The following CLCN6 variants were observed in gnomAD, a reference collection of about 807,000 sequenced individuals.
CLCN6 encodes Cl-/H+ antiporter 6.
In CLCN6, 70 loss-of-function variants were observed where a neutral mutation model predicts 109.8. The ratio of observed to expected loss-of-function variants is 0.64; its 90% CI spans 0.53 to 0.78. The LOEUF (loss-of-function observed/expected upper bound fraction) is 0.78, where lower values mean the gene tolerates loss of function less well. Ranked by LOEUF, CLCN6 falls within the 30% of genes least tolerant of loss-of-function variation. The probability of loss-of-function intolerance (pLI) is 0.00; values close to 1 mark genes in which losing one functional copy is unlikely to be tolerated. For synonymous variants in CLCN6, 444 were observed against 447.8 expected (o/e 0.99, Z 0.11); for missense variants, 984 against 1,142.3 (o/e 0.86, Z 2.00).
chr1:11,829,425 C>G, intron 13 of CLCN6, 103 bp downstream of exon 13: 1 of 1,344,524 alleles, frequency 7.4e-7, no homozygotes, highest in African/African-American at 1.4e-5. Context: ...TGGGTTCATC[C>G]TTCCACACCC....
At chr1:11,819,112 G>T (rs1343965562) in intron 4 of CLCN6, among the ~76,000 whole-genome samples, 1 of 152,208 alleles carries the variant, frequency 6.6e-6, no homozygotes, top group Non-Finnish European at 1.5e-5. Context: ...GCTGTCATTA[G>T]TGTATTTTAT....
chr1:11,828,431 C>G, intron 11 of CLCN6, 27 bp from the exon 12 acceptor site: 1 of 1,613,316 alleles, frequency 6.2e-7, no homozygotes, highest in Non-Finnish European at 8.5e-7. Flanking sequence ...TGGTTTTTCT[C>G]TCCCTCTCCC....
chr1:11,838,893 C>T (rs1337142441), intron 22 of CLCN6: 5 of 724,706 alleles, frequency 6.9e-6, no homozygotes, highest in African/African-American at 1.7e-5. Flanking sequence ...CAGAGCCGCG[C>T]CTCTACCAGG....
chr1:11,826,689 T>G (rs1291835201), intron 9 of CLCN6, among the ~76,000 whole-genome samples: 1 of 152,228 alleles, frequency 6.6e-6, no homozygotes, highest in Non-Finnish European at 1.5e-5. Flanking sequence ...TTCCTGCAAG[T>G]TCGGCACATA....
At chr1:11,831,171 G>GCTTTT (rs1327223816) in intron 13 of CLCN6, among the ~76,000 whole-genome samples, 1 of 51,628 alleles carries the variant, frequency 1.9e-5, no homozygotes, top group African/African-American at 9.9e-5. Flanking sequence ...TTTTGTTTTT[G>GCTTTT]TTTTTGGCAA....
rs1311167123 is a variant in CLCN6, at chr1:11,816,699, G to A, written c.279+19G>A. 1 of 1,606,870 alleles carries A rather than the reference G, an allele frequency of 6.2e-7. No homozygotes were observed. The highest frequency in any genetic ancestry group is 8.5e-7 in the Non-Finnish European group (1 of 1,175,568). ...TGGCCTGGTGAGGAGGCAGGGCCTG[G>A]AGGGATGGTGGGCCATAGGGCTGGA... On this transcript the variant is annotated intron_variant, in intron 4 of 22. Coordinates refer to ENST00000346436, the MANE Select transcript of CLCN6 (RefSeq NM_001286.5).
chr1:11,826,323 C>T, intron 9 of CLCN6, 109 bp downstream of exon 9: 3 of 882,842 alleles, frequency 3.4e-6, no homozygotes, highest in Non-Finnish European at 5.5e-6. Flanking sequence ...CGGGGAAACC[C>T]GACTGGGAGA....
chr1:11,811,445 T>C (rs1644598455), intron 2 of CLCN6, among the ~76,000 whole-genome samples: 1 of 151,936 alleles, frequency 6.6e-6, no homozygotes, highest in African/African-American at 2.4e-5. Flanking sequence ...TGCAATGTTG[T>C]GATCTCAGCT....
At position 11,835,853 on chromosome 1, in the gene CLCN6, G is replaced by A. The variant is rs566283091; in HGVS notation, c.1794-114G>A. Reference sequence around the variant, plus strand: ...TTTGAGGGAGAGCTGGGGCAGTTCAGAAGAGCCCCCCACCCCGCCCGTGGT... The same window carrying A: ...TTTGAGGGAGAGCTGGGGCAGTTCAAAAGAGCCCCCCACCCCGCCCGTGGT... On this transcript the variant is annotated intron_variant, in intron 17 of 22. Coordinates refer to ENST00000346436, the MANE Select transcript of CLCN6 (RefSeq NM_001286.5). 4.8e-5 allele frequency: 38 copies of A among 785,064 alleles called. 1 individual carries two copies. In the East Asian group the frequency reaches 1.0e-3, roughly 21 times the overall value. The allele number at this position is 785,064 out of a possible 1,614,324, so 48.6% of individuals were successfully genotyped here.
In CLCN6 at chr1:11,828,161, A is replaced by G. The variant is rs1397665748; in HGVS notation, c.896A>G (p.Gln299Arg). ...CTCAACTTCTTCCGTTCTGGGATTC[A>G]GTTTGGAAGCTGGGGTTCCTTCCAG... The part of the protein sequence containing the change: ...FTLNFFRSGI[Q>R]FGSWGSFQLP... Residue 299 changes from glutamine to arginine, a missense_variant, in exon 11 of 23, where the codon CAG (glutamine) becomes CGG (arginine). Transcript: ENST00000346436. The G allele has an allele frequency of 6.2e-7, 1 of 1,614,160 alleles. No homozygotes were observed. Among genetic ancestry groups the G allele is most frequent in the East Asian group, 2.2e-5 (1 of 44,884 alleles).
chr1:11,809,964 A>C (rs1644577324), intron 2 of CLCN6, among the ~76,000 whole-genome samples: 1 of 152,236 alleles, frequency 6.6e-6, no homozygotes, highest in Admixed American at 6.5e-5. Flanking sequence ...TGAGTGGGAC[A>C]GGTTAAAATA....
intron 2 of CLCN6, among the ~76,000 whole-genome samples, chr1:11,812,725 A>G (rs1466668146): frequency 2.0e-5 from 3 of 147,002 alleles, no homozygotes; most frequent in Non-Finnish European, 4.5e-5. Context: ...GTTGGGGCTC[A>G]GAAAATGATA....
chr1:11,829,087 G>C (rs1304244842), intron 12 of CLCN6, 109 bp from the exon 13 acceptor site: 1 of 1,293,196 alleles, frequency 7.7e-7, no homozygotes, highest in Admixed American at 2.0e-5. Flanking sequence ...GGGCTGCTGT[G>C]AATGCTGTTT....
rs1337194076 is a variant in CLCN6 at position 11,840,525 on chromosome 1, G to A, written c.*302G>A. The A allele has an allele frequency of 4.1e-5, 20 of 490,948 alleles. No homozygotes were observed. Among genetic ancestry groups the A allele is most frequent in the Non-Finnish European group, 7.1e-5 (19 of 267,396 alleles). The allele number at this position is 490,948 out of a possible 1,614,324, so 30.4% of individuals were successfully genotyped here. A position where few individuals can be genotyped will look rare whatever the true frequency, so the allele number is the denominator to read the frequency against. On this transcript the variant is annotated 3_prime_UTR_variant, in exon 23 of 23. Coordinates refer to ENST00000346436, the MANE Select transcript of CLCN6 (RefSeq NM_001286.5). Reference sequence around the variant, plus strand: ...TCCACCAGAGCCAGAAGCAGAGGTAGAATCAGGCGGGCCCCGGGCTGCACT... The same window carrying A: ...TCCACCAGAGCCAGAAGCAGAGGTAAAATCAGGCGGGCCCCGGGCTGCACT...
In CLCN6 at chr1:11,806,359, C is replaced by G; in HGVS notation, c.87+10C>G. The stretch of plus-strand genomic sequence containing the variant: ...CACCCCCGAGGAGCTGGTAAGAAGC[C>G]GGCGGAGTCGGCCTGGGGAGGGGGC... On this transcript the variant is annotated intron_variant, in intron 1 of 22. Transcript: ENST00000346436. 6.6e-7 allele frequency: 1 copy of G among 1,505,608 alleles called. No homozygotes were observed. Among genetic ancestry groups the G allele is most frequent in the Non-Finnish European group, 8.8e-7 (1 of 1,139,220 alleles). 93.3% of individuals were successfully genotyped at this position (1,505,608 alleles called of 1,614,324 possible).
At chr1:11,812,920 A>C (rs1054355650) in intron 2 of CLCN6, among the ~76,000 whole-genome samples, 1 of 152,138 alleles carries the variant, frequency 6.6e-6, no homozygotes, top group Non-Finnish European at 1.5e-5. Flanking sequence ...ATTAAAACTC[A>C]TCTTACAGAG....
At chr1:11,817,331 G>C (rs979234164) in intron 4 of CLCN6, among the ~76,000 whole-genome samples, 1 of 152,334 alleles carries the variant, frequency 6.6e-6, no homozygotes, top group Non-Finnish European at 1.5e-5. Flanking sequence ...CCAGTGAACA[G>C]GGTGGCACAC....
At chr1:11,812,732 G>A (rs796569734) in intron 2 of CLCN6, among the ~76,000 whole-genome samples, 17 of 143,568 alleles carry the variant, frequency 1.2e-4, no homozygotes, top group African/African-American at 4.3e-4. Context: ...CTCAGAAAAT[G>A]ATACCTGGAA....
intron 8 of CLCN6, among the ~76,000 whole-genome samples, chr1:11,825,812 AG>A (rs920168194): frequency 3.9e-5 from 6 of 152,142 alleles, no homozygotes; most frequent in African/African-American, 1.2e-4. Flanking sequence ...TAGTAGAGAC[AG>A]GGTTTTGCCA....
Sources: gnomAD v4.1 joint callset for allele counts (sites outside exome capture counted in the v4.1 genomes callset) on GRCh38, gnomAD v4.1.1 for gene constraint, MANE v1.5 for transcripts, NCBI Gene and HGNC (gene_info 2026-07-23, HGNC 2026-07-21) for gene names.